The following CACNA2D3 variants were observed in gnomAD, a reference collection of about 807,000 sequenced individuals.
CACNA2D3 encodes the protein voltage-dependent calcium channel subunit alpha-2/delta-3.
CACNA2D3 carries 60 observed loss-of-function variants against 160.6 expected under a neutral mutation model. The observed-to-expected ratio is 0.37, with a 90% CI of 0.30 to 0.46. The LOEUF (loss-of-function observed/expected upper bound fraction) is 0.46. Among genes scored for constraint, CACNA2D3 ranks in the 20% least tolerant of loss-of-function variants. CACNA2D3 has a pLI of 1.00. For missense variants in CACNA2D3, 1,205 were observed against 1,365.0 expected, an observed-to-expected ratio of 0.88 and a Z score of 1.85; for synonymous variants, 558 against 492.9, an observed-to-expected ratio of 1.13 and a Z score of -1.75.
At chr3:54,175,565 G>GTGAGAAC (rs1700663314) in intron 2 of CACNA2D3, among the ~76,000 whole-genome samples, 1 of 146,822 alleles carries the variant, frequency 6.8e-6, no homozygotes, top group Non-Finnish European at 1.5e-5. Context: ...GTGAGCTGAG[G>GTGAGAAC]TTGCGACACT....
At chr3:54,891,261 T>C in intron 24 of CACNA2D3, 94 bp from the exon 25 acceptor site, 1 of 757,448 alleles carries the variant, frequency 1.3e-6, no homozygotes. Flanking sequence ...TCAAAACTGC[T>C]ATTTGGTAAA....
intron 2 of CACNA2D3, among the ~76,000 whole-genome samples, chr3:54,194,425 T>C (rs1701037080): frequency 6.6e-6 from 1 of 152,174 alleles, no homozygotes; most frequent in Non-Finnish European, 1.5e-5. Context: ...GACCATTTCA[T>C]AATGGCCAAA....
chr3:54,142,607 A>G (rs1034513996), intron 2 of CACNA2D3, among the ~76,000 whole-genome samples: 3 of 152,138 alleles, frequency 2.0e-5, no homozygotes, highest in African/African-American at 7.2e-5. Flanking sequence ...GATGATGATG[A>G]TGATGATACA....
At chr3:54,270,692 G>A (rs1392684374) in intron 2 of CACNA2D3, among the ~76,000 whole-genome samples, 4 of 152,216 alleles carry the variant, frequency 2.6e-5, no homozygotes, top group Non-Finnish European at 5.9e-5. Flanking sequence ...CTCTTATCTG[G>A]AGGCTCTGGG....
chr3:54,158,931 T>G (rs571105192), intron 2 of CACNA2D3, among the ~76,000 whole-genome samples: 7 of 152,356 alleles, frequency 4.6e-5, no homozygotes, highest in African/African-American at 1.4e-4. Flanking sequence ...TCGTATGACT[T>G]ACTTTGGCCA....
intron 12 of CACNA2D3, among the ~76,000 whole-genome samples, chr3:54,762,273 A>G (rs905314558): frequency 3.9e-5 from 6 of 152,126 alleles, no homozygotes; most frequent in African/African-American, 1.4e-4. Context: ...AGCTATTTTT[A>G]GTTCCTAGAA....
intron 9 of CACNA2D3, among the ~76,000 whole-genome samples, chr3:54,613,046 A>G (rs556049679): frequency 6.6e-6 from 1 of 152,346 alleles, no homozygotes; most frequent in East Asian, 1.9e-4. Context: ...GATACAAACA[A>G]TAAATGTCAT....
intron 13 of CACNA2D3, among the ~76,000 whole-genome samples, chr3:54,766,383 A>G (rs183641898): frequency 9.2e-5 from 14 of 152,352 alleles, no homozygotes; most frequent in African/African-American, 2.6e-4. Flanking sequence ...GTACAACTTC[A>G]TAATAAGCAA....
chr3:54,123,938 C>T (rs1420475889), intron 2 of CACNA2D3, among the ~76,000 whole-genome samples: 1 of 152,146 alleles, frequency 6.6e-6, no homozygotes, highest in Non-Finnish European at 1.5e-5. Context: ...CTAACTTCAT[C>T]CAAGGGGCAG....
chr3:54,188,865 T>C (rs1469111910), intron 2 of CACNA2D3, among the ~76,000 whole-genome samples: 2 of 152,222 alleles, frequency 1.3e-5, no homozygotes, highest in South Asian at 2.1e-4. Context: ...AGAGCGTCAC[T>C]CATTTAGTAC....
intron 2 of CACNA2D3, among the ~76,000 whole-genome samples, chr3:54,210,443 T>A (rs1701353032): frequency 6.7e-6 from 1 of 148,558 alleles, no homozygotes; most frequent in South Asian, 2.2e-4. Context: ...TGTGTGTGTT[T>A]GTGTGTGTGT....
intron 5 of CACNA2D3, among the ~76,000 whole-genome samples, chr3:54,554,302 G>C (rs1702205410): frequency 6.6e-6 from 1 of 152,034 alleles, no homozygotes; most frequent in Non-Finnish European, 1.5e-5. Context: ...ATTTGCCATT[G>C]TTTCTCTCCT....
chr3:54,294,606 CTG>C (rs745797071), intron 2 of CACNA2D3, among the ~76,000 whole-genome samples: 1 of 152,176 alleles, frequency 6.6e-6, no homozygotes, highest in Non-Finnish European at 1.5e-5. Context: ...TGCATGAAGT[CTG>C]TGTTCAAATC....
At chr3:54,141,821 A>G (rs1019668922) in intron 2 of CACNA2D3, among the ~76,000 whole-genome samples, 2 of 152,224 alleles carry the variant, frequency 1.3e-5, no homozygotes, top group Non-Finnish European at 2.9e-5. Context: ...AATTTTATCC[A>G]TTCATTTATT....
At position 54,598,307 on chromosome 3, in the gene CACNA2D3, C is replaced by CAAAAAA. The variant is rs10656534; in HGVS notation, c.963+16450_963+16455dup. Among the ~76,000 whole-genome samples the CAAAAAA allele has an allele frequency of 2.8e-3, 137 of 49,786 alleles. 4 individuals are homozygous for CAAAAAA. The highest frequency in any genetic ancestry group is 4.2e-3 in the Admixed American group (12 of 2,874). 32.7% of individuals were successfully genotyped at this position (49,786 alleles called of 152,430 possible). A position where few individuals can be genotyped will look rare whatever the true frequency, so the allele number is the denominator to read the frequency against. On this transcript the variant is annotated intron_variant, in intron 9 of 37. Transcript: ENST00000474759. ...TGGGCAACAGCGAGACTCCGTCTCA[C>CAAAAAA]AAAAAAAAAAAAAAAAAAAAAAAAA...
In CACNA2D3 at chr3:55,011,502, A is replaced by G. The variant is rs140038288; in HGVS notation, c.2875+2059A>G. On this transcript the variant is annotated intron_variant, in intron 34 of 37. Transcript: ENST00000474759. ...TGTCTAACACTAAAGACCATTTTAC[A>G]ATAAATTACAACCCATCCACAGAAA... Among the ~76,000 whole-genome samples the G allele has an allele frequency of 5.2e-3, 789 of 152,360 alleles. 5 individuals are homozygous for G. The highest frequency in any genetic ancestry group is 0.017 in the African/African-American group (705 of 41,584).
At chr3:54,882,619 C>T (rs1699827258) in intron 21 of CACNA2D3, among the ~76,000 whole-genome samples, 1 of 152,192 alleles carries the variant, frequency 6.6e-6, no homozygotes, top group Admixed American at 6.5e-5. Context: ...ATATCTTCCT[C>T]TCTCTGTTGG....
chr3:54,258,005 AGGT>A (rs1702333072), intron 2 of CACNA2D3, among the ~76,000 whole-genome samples: 1 of 152,180 alleles, frequency 6.6e-6, no homozygotes, highest in African/African-American at 2.4e-5. Flanking sequence ...AAGTGTTTTG[AGGT>A]ATTTTTATAA....
At chr3:54,374,587 GC>G (rs1319229933) in intron 3 of CACNA2D3, among the ~76,000 whole-genome samples, 2 of 152,162 alleles carry the variant, frequency 1.3e-5, no homozygotes, top group African/African-American at 4.8e-5. Flanking sequence ...ATACCTGCTA[GC>G]CCTTCTTTCG....
Sources: gnomAD v4.1 joint callset for allele counts (sites outside exome capture counted in the v4.1 genomes callset) on GRCh38, gnomAD v4.1.1 for gene constraint, MANE v1.5 for transcripts, NCBI Gene and HGNC (gene_info 2026-07-23, HGNC 2026-07-21) for gene names.